Variants in ZNF536 observed in about 807,000 individuals in gnomAD.
The protein encoded by ZNF536 is zinc finger protein 536.
ZNF536 carries 13 observed loss-of-function variants against 84.5 expected under a neutral mutation model. The ratio of observed to expected loss-of-function variants is 0.15; its 90% CI spans 0.10 to 0.24. The LOEUF is 0.24. Ranked by LOEUF, ZNF536 falls within the 10% of genes least tolerant of loss-of-function variation. The pLI is 1.00. For missense variants in ZNF536, 1,536 were observed against 1,747.5 expected, an observed-to-expected ratio of 0.88 and a Z score of 2.16; for synonymous variants, 811 against 742.5, an observed-to-expected ratio of 1.09 and a Z score of -1.50.
Position 30,705,983 on chromosome 19 carries a change from A to G in ZNF536, c.170-4774A>G, listed in dbSNP as rs546587270. Among the ~76,000 whole-genome samples the G allele has an allele frequency of 3.2e-4, 48 of 152,336 alleles. 1 individual carries two copies. The South Asian group carries it at 9.9e-3, about 32-fold the overall frequency. ...AATATTTTAAAATCGATTGGTGGAA[A>G]AAAGGTACTAAGTGCTTTTATACCA... On this transcript the variant is annotated intron_variant, in intron 1 of 1. Coordinates refer to the ZNF536 transcript ENST00000592773.
intron 2 of ZNF536, among the ~76,000 whole-genome samples, chr19:30,449,654 G>A (rs1269201531): frequency 1.3e-5 from 2 of 152,202 alleles, no homozygotes; most frequent in Non-Finnish European, 2.9e-5. Context: ...ATTAAATAAA[G>A]TCGGCTAAGT....
intron 1 of ZNF536, among the ~76,000 whole-genome samples, chr19:30,399,782 G>T (rs1356197348): frequency 6.7e-6 from 1 of 149,344 alleles, no homozygotes; most frequent in East Asian, 2.0e-4. Context: ...CCGCCTCCCG[G>T]GTTCAAGCGA....
chr19:30,684,429 G>A (rs1453540024), intron 1 of ZNF536, among the ~76,000 whole-genome samples: 1 of 152,154 alleles, frequency 6.6e-6, no homozygotes, highest in Non-Finnish European at 1.5e-5. Context: ...GAGCCACCGC[G>A]TCTTGGCCTC....
chr19:30,467,493 G>A (rs563987659), intron 2 of ZNF536, among the ~76,000 whole-genome samples: 7 of 152,208 alleles, frequency 4.6e-5, no homozygotes, highest in East Asian at 1.9e-4. Flanking sequence ...TGCATATCCC[G>A]AATTTTCTTT....
intron 1 of ZNF536, among the ~76,000 whole-genome samples, chr19:30,646,816 C>T (rs2049489656): frequency 6.6e-6 from 1 of 152,172 alleles, no homozygotes; most frequent in Non-Finnish European, 1.5e-5. Flanking sequence ...GAGAATTCCA[C>T]CACGTTTGGG....
chr19:30,633,093 T>C (rs1568621457), intron 1 of ZNF536, among the ~76,000 whole-genome samples: 1 of 152,164 alleles, frequency 6.6e-6, no homozygotes, highest in Non-Finnish European at 1.5e-5. Context: ...CTATAATTGA[T>C]CCACTTCCTT....
chr19:30,669,913 G>T (rs913471810), intron 1 of ZNF536, among the ~76,000 whole-genome samples: 1 of 152,198 alleles, frequency 6.6e-6, no homozygotes, highest in African/African-American at 2.4e-5. Context: ...GAACTAGGGC[G>T]GACTGGATTG....
At chr19:30,695,864 T>A (rs151028291) in intron 1 of ZNF536, among the ~76,000 whole-genome samples, 1,540 of 152,224 alleles carry the variant, frequency 0.01, 17 homozygotes, top group South Asian at 0.017. Context: ...CTAAATTCCG[T>A]GCATCCTTAC....
intron 1 of ZNF536, among the ~76,000 whole-genome samples, chr19:30,250,173 G>A (rs928272145): frequency 2.0e-5 from 3 of 152,136 alleles, no homozygotes; most frequent in East Asian, 1.9e-4. Context: ...CTTAATTCAC[G>A]ATTCTGTCTA....
intron 3 of ZNF536, among the ~76,000 whole-genome samples, chr19:30,545,002 G>A (rs1433717312): frequency 6.6e-6 from 1 of 152,138 alleles, no homozygotes; most frequent in Non-Finnish European, 1.5e-5. Flanking sequence ...ACCATTCATG[G>A]TTCCCACTTC....
rs184747621 is a variant in ZNF536 at position 30,300,134 on chromosome 19, A to T, written c.-120+15993A>T. 4.9e-3 allele frequency among the ~76,000 whole-genome samples: 748 copies of T among 152,264 alleles called. 28 individuals are homozygous for T. The highest frequency in any genetic ancestry group is 0.043 in the Admixed American group (664 of 15,290). ...TGGGAGAGTTTTAGAAATTCATATT[A>T]TACCCTCCTCAAGTTTTCTAAATCT... is the stretch of plus-strand genomic sequence containing the variant. On this transcript the variant is annotated intron_variant, in intron 2 of 5. Transcript: ENST00000585628.
intron 1 of ZNF536, among the ~76,000 whole-genome samples, chr19:30,382,052 T>G (rs2049042440): frequency 6.6e-6 from 1 of 152,152 alleles, no homozygotes; most frequent in Admixed American, 6.5e-5. Flanking sequence ...ATGTGAGACA[T>G]TTTGGGTAAA....
chr19:30,685,242 C>A (rs531920485), intron 1 of ZNF536, among the ~76,000 whole-genome samples: 1 of 152,332 alleles, frequency 6.6e-6, no homozygotes, highest in South Asian at 2.1e-4. Context: ...GCACCCCTGT[C>A]TCCCATGCTT....
chr19:30,524,026 G>T (rs190012323), intron 2 of ZNF536, among the ~76,000 whole-genome samples: 2 of 152,240 alleles, frequency 1.3e-5, no homozygotes, highest in Non-Finnish European at 2.9e-5. Context: ...CCACGGAGGG[G>T]CATTGCCCCC....
intron 2 of ZNF536, among the ~76,000 whole-genome samples, chr19:30,481,373 T>C (rs2054081019): frequency 6.6e-6 from 1 of 152,206 alleles, no homozygotes; most frequent in South Asian, 2.1e-4. Flanking sequence ...TTCTTCCCTG[T>C]CACTGGGATC....
chr19:30,316,233 A>G (rs1413451413), intron 2 of ZNF536, among the ~76,000 whole-genome samples: 1 of 152,212 alleles, frequency 6.6e-6, no homozygotes. Context: ...CATTGTATAC[A>G]TGTCTACCAA....
At chr19:30,333,992 C>T (rs904133184) in intron 2 of ZNF536, among the ~76,000 whole-genome samples, 1 of 152,010 alleles carries the variant, frequency 6.6e-6, no homozygotes, top group Admixed American at 6.5e-5. Context: ...TTAAAAGAAA[C>T]CCCCAAACCA....
At chr19:30,644,364 T>C (rs963943829) in intron 1 of ZNF536, among the ~76,000 whole-genome samples, 2 of 152,138 alleles carry the variant, frequency 1.3e-5, no homozygotes, top group Non-Finnish European at 2.9e-5. Flanking sequence ...TGGACATTTC[T>C]TTCTTTTTTT....
At chr19:30,449,048 C>T (rs946609568) in intron 2 of ZNF536, among the ~76,000 whole-genome samples, 13 of 152,186 alleles carry the variant, frequency 8.5e-5, no homozygotes, top group African/African-American at 3.1e-4. Context: ...CTGCTGAGAA[C>T]CAAGCTTAAG....
Sources: allele counts gnomAD v4.1 joint callset (sites outside exome capture counted in the v4.1 genomes callset), GRCh38; gene constraint gnomAD v4.1.1; transcripts MANE v1.5; gene names NCBI Gene and HGNC (gene_info 2026-07-23, HGNC 2026-07-21).